The following PTPRQ variants were observed in gnomAD, a reference collection of about 807,000 sequenced individuals.
PTPRQ encodes the protein phosphatidylinositol phosphatase PTPRQ.
A neutral mutation model predicts 246.0 loss-of-function variants in PTPRQ; 199 were observed. The ratio of observed to expected loss-of-function variants is 0.81; its 90% confidence interval spans 0.72 to 0.91. The LOEUF (loss-of-function observed/expected upper bound fraction) is 0.91. Among genes scored for constraint, PTPRQ ranks in the 40% least tolerant of loss-of-function variants. The probability of loss-of-function intolerance (pLI) is 0.00; values close to 1 mark genes in which losing one functional copy is unlikely to be tolerated. For missense variants in PTPRQ, 2,624 were observed against 2,528.4 expected (o/e 1.04, Z -0.81); for synonymous variants, 869 against 853.2 (o/e 1.02, Z -0.32).
chr12:80,600,987 G>T (rs75796510), intron 26 of PTPRQ, among the ~76,000 whole-genome samples: 1 of 151,450 alleles, frequency 6.6e-6, no homozygotes, highest in African/African-American at 2.4e-5. Flanking sequence ...GGGTCTTCAC[G>T]CTGGCCATTC....
At chr12:80,606,498 T>A (rs2121085440) in intron 27 of PTPRQ, among the ~76,000 whole-genome samples, 1 of 151,062 alleles carries the variant, frequency 6.6e-6, no homozygotes, top group South Asian at 2.1e-4. Flanking sequence ...GCAGAACTGT[T>A]AGCCAGAATA....
chr12:80,606,383 G>C (rs1201060128), intron 27 of PTPRQ, among the ~76,000 whole-genome samples: 2 of 151,010 alleles, frequency 1.3e-5, no homozygotes, highest in Non-Finnish European at 3.0e-5. Context: ...TTAAATAAGA[G>C]GCCATTGAAG....
At chr12:80,501,398 A>G (rs776800315) in intron 14 of PTPRQ, among the ~76,000 whole-genome samples, 2 of 151,972 alleles carry the variant, frequency 1.3e-5, no homozygotes, top group African/African-American at 2.4e-5. Flanking sequence ...ATTTACTTAG[A>G]TGGGGCAGTC....
chr12:80,458,749 T>C (rs1028012457), intron 4 of PTPRQ, among the ~76,000 whole-genome samples: 5 of 152,052 alleles, frequency 3.3e-5, no homozygotes, highest in Non-Finnish European at 5.9e-5. Flanking sequence ...TTATTATTAC[T>C]CTATATAATT....
At chr12:80,488,390 G>T (rs1267067303) in intron 9 of PTPRQ, among the ~76,000 whole-genome samples, 1 of 151,984 alleles carries the variant, frequency 6.6e-6, no homozygotes, top group Admixed American at 6.6e-5. Flanking sequence ...CCAGATTTAA[G>T]TATGTTATTT....
At chr12:80,563,856 T>C (rs1331059846) in intron 25 of PTPRQ, among the ~76,000 whole-genome samples, 2 of 152,200 alleles carry the variant, frequency 1.3e-5, no homozygotes, top group Non-Finnish European at 2.9e-5. Flanking sequence ...GACATCACTG[T>C]ATGATGGTTC....
chr12:80,527,542 A>G (rs1478139528), intron 17 of PTPRQ, among the ~76,000 whole-genome samples: 2 of 152,140 alleles, frequency 1.3e-5, no homozygotes, highest in East Asian at 3.8e-4. Flanking sequence ...CATAAATTCC[A>G]TACTTATAGA....
chr12:80,602,844 C>T (rs180872828), intron 26 of PTPRQ, among the ~76,000 whole-genome samples: 5 of 151,878 alleles, frequency 3.3e-5, no homozygotes, highest in African/African-American at 1.2e-4. Flanking sequence ...CATATTTATA[C>T]CATCCCAACT....
intron 27 of PTPRQ, among the ~76,000 whole-genome samples, chr12:80,607,296 T>C (rs532400587): frequency 1.3e-5 from 2 of 151,026 alleles, no homozygotes; most frequent in African/African-American, 4.8e-5. Flanking sequence ...GGAAGGTCAT[T>C]AAATAACAAA....
At chr12:80,451,069 C>G (rs968103667) in intron 3 of PTPRQ, among the ~76,000 whole-genome samples, 1 of 152,178 alleles carries the variant, frequency 6.6e-6, no homozygotes, top group East Asian at 1.9e-4. Flanking sequence ...TGTTAGTGGT[C>G]TATTCAGAGA....
At chr12:80,533,224 A>C (rs935912581) in intron 17 of PTPRQ, among the ~76,000 whole-genome samples, 1 of 152,022 alleles carries the variant, frequency 6.6e-6, no homozygotes, top group African/African-American at 2.4e-5. Flanking sequence ...GGTTTTAGAT[A>C]TTAATCTATA....
intron 39 of PTPRQ, among the ~76,000 whole-genome samples, chr12:80,664,574 T>A (rs1231119892): frequency 6.6e-6 from 1 of 152,056 alleles, no homozygotes; most frequent in African/African-American, 2.4e-5. Flanking sequence ...CATAAAAATA[T>A]CTTGATATTA....
intron 25 of PTPRQ, among the ~76,000 whole-genome samples, chr12:80,549,949 A>G (rs551278348): frequency 5.9e-5 from 9 of 152,234 alleles, no homozygotes; most frequent in Non-Finnish European, 4.4e-5. Flanking sequence ...GGGAGGAAAA[A>G]AAGAGAGATG....
chr12:80,522,851 T>G (rs1186801957), intron 17 of PTPRQ, among the ~76,000 whole-genome samples: 1 of 152,204 alleles, frequency 6.6e-6, no homozygotes, highest in Non-Finnish European at 1.5e-5. Context: ...CTGCCAGGCT[T>G]TGGTATCAGG....
intron 14 of PTPRQ, among the ~76,000 whole-genome samples, chr12:80,501,322 G>A (rs1760948086): frequency 1.3e-5 from 2 of 151,970 alleles, no homozygotes; most frequent in African/African-American, 4.8e-5. Flanking sequence ...GAATGTTGAA[G>A]TAAAGAGAAA....
intron 6 of PTPRQ, among the ~76,000 whole-genome samples, chr12:80,467,690 A>G (rs1237155153): frequency 2.6e-5 from 4 of 151,934 alleles, no homozygotes; most frequent in African/African-American, 9.7e-5. Flanking sequence ...AAAAATGATG[A>G]GTTCATGTCC....
At chr12:80,581,254 A>C (rs1020197274) in intron 25 of PTPRQ, among the ~76,000 whole-genome samples, 9 of 152,218 alleles carry the variant, frequency 5.9e-5, no homozygotes, top group Non-Finnish European at 1.2e-4. Context: ...TCTAAAAAAG[A>C]ATAAATAAAA....
At chr12:80,657,858 T>G in intron 38 of PTPRQ, 127 bp from the exon 39 acceptor site, 1 of 610,738 alleles carries the variant, frequency 1.6e-6, no homozygotes, top group South Asian at 4.0e-5. Flanking sequence ...AATAACTTTT[T>G]AAAATTTACC....
intron 3 of PTPRQ, among the ~76,000 whole-genome samples, chr12:80,456,106 A>G (rs550670779): frequency 6.6e-6 from 1 of 152,316 alleles, no homozygotes; most frequent in East Asian, 1.9e-4. Context: ...TTGAACCTTG[A>G]AAATAATTAA....
Sources: allele counts gnomAD v4.1 joint callset (sites outside exome capture counted in the v4.1 genomes callset), GRCh38; gene constraint gnomAD v4.1.1; transcripts MANE v1.5; gene names NCBI Gene and HGNC (gene_info 2026-07-23, HGNC 2026-07-21).